Variants in EMCN observed in about 807,000 individuals in gnomAD.
The protein encoded by EMCN is endomucin, also known as MUC-14.
EMCN carries 37 observed loss-of-function variants against 38.4 expected under a neutral mutation model. The observed-to-expected ratio is 0.96, with a 90% CI of 0.74 to 1.27. The LOEUF is 1.27. Ranked by LOEUF, EMCN falls within the 50% of genes most tolerant of loss-of-function variation. EMCN has a pLI of 0.00. For missense variants in EMCN, 318 were observed against 302.8 expected (o/e 1.05, Z -0.37); for synonymous variants, 95 against 100.8 (o/e 0.94, Z 0.35).
intron 5 of EMCN, among the ~76,000 whole-genome samples, chr4:100,431,721 ATCTC>A (rs147413558): frequency 1.2e-4 from 18 of 150,320 alleles, no homozygotes; most frequent in African/African-American, 4.2e-4. Flanking sequence ...CTTACAATAC[ATCTC>A]TCTCTCTCTT....
chr4:100,498,491 CTTT>C (rs768052759), intron 1 of EMCN, among the ~76,000 whole-genome samples: 1 of 145,234 alleles, frequency 6.9e-6, no homozygotes, highest in African/African-American at 2.5e-5. Context: ...CAGTGTATCA[CTTT>C]TTTTTTTTTT....
At chr4:100,415,053 GC>G (rs1726677471) in intron 10 of EMCN, among the ~76,000 whole-genome samples, 1 of 151,926 alleles carries the variant, frequency 6.6e-6, no homozygotes, top group Non-Finnish European at 1.5e-5. Context: ...GCGCCACCAT[GC>G]CCAGCTAATT....
intron 5 of EMCN, among the ~76,000 whole-genome samples, chr4:100,436,070 C>T (rs1727343341): frequency 6.6e-6 from 1 of 152,080 alleles, no homozygotes. Flanking sequence ...GCAAAAGGAA[C>T]TATCATCAGA....
At chr4:100,478,674 G>A (rs1282519752) in intron 2 of EMCN, among the ~76,000 whole-genome samples, 3 of 151,990 alleles carry the variant, frequency 2.0e-5, no homozygotes, top group Non-Finnish European at 4.4e-5. Context: ...TCTACTTTCG[G>A]ATATAGCTGT....
At chr4:100,486,973 T>C in intron 1 of EMCN, 1 of 985,234 alleles carries the variant, frequency 1.0e-6, no homozygotes, top group South Asian at 4.7e-5. Flanking sequence ...TTGTGGACTT[T>C]AGTATAAGGA....
chr4:100,399,289 G>T (rs1394132078), intron 11 of EMCN, among the ~76,000 whole-genome samples: 1 of 152,186 alleles, frequency 6.6e-6, no homozygotes, highest in African/African-American at 2.4e-5. Context: ...AGGTGGTGTT[G>T]TGTTGCTGAT....
At chr4:100,456,981 A>G (rs1435177403) in intron 4 of EMCN, among the ~76,000 whole-genome samples, 1 of 152,152 alleles carries the variant, frequency 6.6e-6, no homozygotes, top group Non-Finnish European at 1.5e-5. Flanking sequence ...TTTTCATGCT[A>G]TATGATAACG....
At chr4:100,433,060 A>G (rs538405236) in intron 5 of EMCN, among the ~76,000 whole-genome samples, 2 of 152,256 alleles carry the variant, frequency 1.3e-5, no homozygotes, top group African/African-American at 4.8e-5. Context: ...ATGTTGTACA[A>G]TAGACTCCTA....
intron 4 of EMCN, among the ~76,000 whole-genome samples, chr4:100,460,396 TTGTAATAAAG>T (rs1410776012): frequency 3.3e-5 from 5 of 152,194 alleles, no homozygotes; most frequent in Non-Finnish European, 7.4e-5. Context: ...GTTCTCACAC[TTGTAATAAAG>T]ACATACCTGA....
At chr4:100,458,119 A>T (rs1399877672) in intron 4 of EMCN, among the ~76,000 whole-genome samples, 7 of 152,278 alleles carry the variant, frequency 4.6e-5, no homozygotes, top group African/African-American at 1.2e-4. Context: ...CTGTCAAAAA[A>T]AAAAAAGTGT....
intron 4 of EMCN, among the ~76,000 whole-genome samples, chr4:100,449,203 T>A (rs1311156187): frequency 6.6e-6 from 1 of 152,088 alleles, no homozygotes; most frequent in African/African-American, 2.4e-5. Context: ...GAAAAATGAA[T>A]ACTTTATTTA....
chr4:100,477,199 G>GA (rs1339616536), intron 2 of EMCN, among the ~76,000 whole-genome samples: 1 of 152,104 alleles, frequency 6.6e-6, no homozygotes. Context: ...CTCTAGTATT[G>GA]AAAAATACTA....
At chr4:100,432,123 TA>T (rs1358161102) in intron 5 of EMCN, among the ~76,000 whole-genome samples, 1 of 152,178 alleles carries the variant, frequency 6.6e-6, no homozygotes, top group East Asian at 1.9e-4. Flanking sequence ...CTTTAGGGAA[TA>T]AACAGCCCTT....
intron 3 of EMCN, among the ~76,000 whole-genome samples, chr4:100,473,361 T>C (rs1457099334): frequency 1.5e-5 from 2 of 135,634 alleles, no homozygotes; most frequent in Admixed American, 8.1e-5. Context: ...ATTTCCCGTT[T>C]CGTGTTTTTT....
chr4:100,480,045 A>T lies in EMCN; in HGVS notation c.65-6T>A. The T allele has an allele frequency of 6.2e-7, 1 of 1,604,180 alleles. No individual in the cohort carries two copies. Among genetic ancestry groups the T allele is most frequent in the Non-Finnish European group, 8.5e-7 (1 of 1,175,940 alleles). ...ATTAGCTGCCTCTAAAACACCTGAA[A>T]AAAGTAAAGTAGTTGCATTAACATT... On this transcript the variant is annotated splice_polypyrimidine_tract_variant and splice_region_variant and intron_variant, in intron 1 of 11. Coordinates refer to ENST00000296420, the MANE Select transcript of EMCN (RefSeq NM_016242.4).
intron 5 of EMCN, among the ~76,000 whole-genome samples, chr4:100,435,350 A>G (rs1044050015): frequency 3.3e-5 from 5 of 152,188 alleles, no homozygotes; most frequent in Non-Finnish European, 5.9e-5. Context: ...GGAGAACCAC[A>G]AACCACTGCT....
At chr4:100,419,034 C>T (rs183537672) in intron 8 of EMCN, among the ~76,000 whole-genome samples, 5 of 152,066 alleles carry the variant, frequency 3.3e-5, no homozygotes, top group African/African-American at 4.8e-5. Flanking sequence ...CCCTTTTCTC[C>T]GCATTCTCTC....
chr4:100,416,007 G>A (rs777214781), intron 9 of EMCN, 48 bp from the exon 10 acceptor site: 3 of 1,222,610 alleles, frequency 2.5e-6, no homozygotes, highest in Non-Finnish European at 3.5e-6. Flanking sequence ...AATCAGCATT[G>A]TATGTTTGTG....
intron 5 of EMCN, among the ~76,000 whole-genome samples, chr4:100,443,058 C>A (rs904608199): frequency 6.6e-6 from 1 of 152,164 alleles, no homozygotes; most frequent in Non-Finnish European, 1.5e-5. Flanking sequence ...CCATGTTGGC[C>A]AGGCTGGTTT....
Sources: gnomAD v4.1 joint callset for allele counts (sites outside exome capture counted in the v4.1 genomes callset) on GRCh38, gnomAD v4.1.1 for gene constraint, MANE v1.5 for transcripts, NCBI Gene and HGNC (gene_info 2026-07-23, HGNC 2026-07-21) for gene names.